CAPN9: variants seen among roughly 807,000 people sequenced by gnomAD.
CAPN9 encodes the protein calpain 9.
CAPN9 carries 81 observed loss-of-function variants against 92.8 expected under a neutral mutation model. The ratio of observed to expected loss-of-function variants is 0.87; its 90% CI spans 0.73 to 1.05. The LOEUF (loss-of-function observed/expected upper bound fraction) is 1.05, where lower values mean the gene tolerates loss of function less well. CAPN9 is among the 50% of genes least tolerant of loss of function. CAPN9 has a pLI of 0.00. For missense variants in CAPN9, 848 were observed against 866.2 expected (o/e 0.98, Z 0.26); for synonymous variants, 304 against 328.0 (o/e 0.93, Z 0.79).
intron 19 of CAPN9, among the ~76,000 whole-genome samples, chr1:230,800,231 G>GAAAAAAGACAGAAAGA: frequency 1.9e-5 from 1 of 51,476 alleles, no homozygotes. Flanking sequence ...AAGAAAGAAA[G>GAAAAAAGACAGAAAGA]AAGAAAGAAA....
chr1:230,774,745 T>C (rs1243911611), intron 8 of CAPN9, 114 bp downstream of exon 8: 24 of 656,870 alleles, frequency 3.7e-5, no homozygotes, highest in Middle Eastern at 4.0e-4. Flanking sequence ...CTTTCTTTTT[T>C]TTTTTTTTTT....
intron 2 of CAPN9, among the ~76,000 whole-genome samples, chr1:230,757,052 GGAAGGAAGGAAGGAAA>G (rs749032049): frequency 0.26 from 35,606 of 138,978 alleles, 5,380 homozygotes; most frequent in Non-Finnish European, 0.33. Context: ...AAGGAAGGAA[GGAAGGAAGGAAGGAAA>G]GGAGAAAATA....
At chr1:230,789,500 A>AAAG (rs200162449) in intron 13 of CAPN9, among the ~76,000 whole-genome samples, 13 of 138,176 alleles carry the variant, frequency 9.4e-5, no homozygotes, top group African/African-American at 3.6e-4. Context: ...AAAAAAAAAA[A>AAAG]GCCTGAGTCT....
chr1:230,785,842 C>A, intron 11 of CAPN9, 139 bp from the exon 12 acceptor site: 1 of 813,592 alleles, frequency 1.2e-6, no homozygotes, highest in Non-Finnish European at 2.1e-6. Flanking sequence ...GGTCTGCAAA[C>A]TCTGTGAAAT....
In CAPN9 at chr1:230,783,016, A is replaced by G. The variant is rs893340650; in HGVS notation, c.1481+2308A>G. Among the ~76,000 whole-genome samples the G allele has an allele frequency of 3.3e-5, 5 of 151,936 alleles. No individual in the cohort carries two copies. In the East Asian group the frequency reaches 9.7e-4, roughly 29 times the overall value. On this transcript the variant is annotated intron_variant, in intron 11 of 19. Transcript: ENST00000271971. ...TGTGCCACAGAGTGAGACTCCGTCT[A>G]AAAAAAATGGTGGTTTTTTTGGTTC...
intron 18 of CAPN9, among the ~76,000 whole-genome samples, chr1:230,797,345 G>A (rs1044369150): frequency 2.0e-5 from 3 of 152,142 alleles, no homozygotes; most frequent in Admixed American, 6.6e-5. Context: ...CTTGTTTTTA[G>A]CATCATCTTC....
chr1:230,793,554 T>C (rs1001530951), intron 17 of CAPN9, among the ~76,000 whole-genome samples: 6 of 152,172 alleles, frequency 3.9e-5, no homozygotes, highest in Non-Finnish European at 8.8e-5. Flanking sequence ...CACACAACCG[T>C]AGTTTCCACG....
chr1:230,748,424 G>A (rs74144820), intron 1 of CAPN9, among the ~76,000 whole-genome samples: 44 of 152,288 alleles, frequency 2.9e-4, no homozygotes, highest in African/African-American at 9.9e-4. Context: ...AGGTGGGTAC[G>A]GGCCTGGGAG....
In CAPN9 at chr1:230,759,631, G is replaced by C. The variant is rs1418407721; in HGVS notation, c.402+1G>C. Reference sequence around the variant, plus strand: ...TTATGCCGGGATATTCCATTTCCAGGTAAGAGGGAGCCCTGGGCCAGTGGG... The same window carrying C: ...TTATGCCGGGATATTCCATTTCCAGCTAAGAGGGAGCCCTGGGCCAGTGGG... On this transcript the variant is annotated splice_donor_variant, in intron 3 of 19. Transcript: ENST00000271971. LOFTEE classifies it high-confidence loss of function. The C allele has an allele frequency of 2.5e-6, 4 of 1,596,188 alleles. No individual in the cohort carries two copies. Among genetic ancestry groups the C allele is most frequent in the Non-Finnish European group, 3.4e-6 (4 of 1,171,098 alleles).
At position 230,778,655 on chromosome 1, in the gene CAPN9, C is replaced by T. The variant is rs28359681; in HGVS notation, c.954-318C>T. Reference sequence around the variant, plus strand: ...TCAGGTCTCCACTCAGAATGTGCCCCATCAGTAAGGGCTTCTCTTACCTCC... The same window carrying T: ...TCAGGTCTCCACTCAGAATGTGCCCTATCAGTAAGGGCTTCTCTTACCTCC... On this transcript the variant is annotated intron_variant, in intron 8 of 19. Coordinates refer to ENST00000271971, the MANE Select transcript of CAPN9 (RefSeq NM_006615.3). Among the ~76,000 whole-genome samples the T allele has an allele frequency of 3.0e-3, 460 of 152,250 alleles. 4 individuals carry two copies. The highest frequency in any genetic ancestry group is 0.024 in the Admixed American group (372 of 15,292).
intron 7 of CAPN9, among the ~76,000 whole-genome samples, chr1:230,773,443 A>G (rs1666521421): frequency 6.6e-6 from 1 of 152,160 alleles, no homozygotes; most frequent in Admixed American, 6.5e-5. Context: ...TAAAGGGAAA[A>G]TGGGCCATTG....
chr1:230,766,952 C>T (rs1666024090), intron 4 of CAPN9, among the ~76,000 whole-genome samples: 1 of 152,150 alleles, frequency 6.6e-6, no homozygotes, highest in South Asian at 2.1e-4. Context: ...ATTCAGTCAC[C>T]TCCCACCAGA....
intron 19 of CAPN9, among the ~76,000 whole-genome samples, chr1:230,799,382 A>G (rs965913105): frequency 1.3e-5 from 2 of 152,216 alleles, no homozygotes; most frequent in South Asian, 4.1e-4. Context: ...TTATAATAAT[A>G]TCATATAATT....
intron 6 of CAPN9, among the ~76,000 whole-genome samples, chr1:230,770,152 G>C (rs775325829): frequency 2.0e-5 from 3 of 152,146 alleles, no homozygotes; most frequent in Non-Finnish European, 4.4e-5. Flanking sequence ...AGAGTAAGAA[G>C]TCCCACGATC....
intron 1 of CAPN9, 40 bp from the exon 2 acceptor site, chr1:230,755,297 C>A: frequency 6.7e-7 from 1 of 1,501,682 alleles, no homozygotes; most frequent in South Asian, 1.1e-5. Flanking sequence ...TGGCTTGCAG[C>A]ATGGCAGGCC....
intron 10 of CAPN9, 77 bp from the exon 11 acceptor site, chr1:230,780,423 C>A: frequency 6.3e-7 from 1 of 1,596,162 alleles, no homozygotes; most frequent in Non-Finnish European, 8.6e-7. Flanking sequence ...CGAGACTCAA[C>A]CAAGAGTCCA....
chr1:230,772,192 C>G (rs1165754435), intron 7 of CAPN9, 93 bp downstream of exon 7: 2 of 1,040,948 alleles, frequency 1.9e-6, no homozygotes, highest in African/African-American at 1.6e-5. Context: ...GGCCTGTCTA[C>G]TATCCTCCCG....
chr1:230,778,006 C>T (rs1157726940), intron 8 of CAPN9, among the ~76,000 whole-genome samples: 1 of 152,164 alleles, frequency 6.6e-6, no homozygotes, highest in African/African-American at 2.4e-5. Flanking sequence ...GCTCCTTTCC[C>T]CAGGATTCCA....
intron 14 of CAPN9, among the ~76,000 whole-genome samples, chr1:230,791,344 T>A (rs1394162486): frequency 6.6e-6 from 1 of 152,196 alleles, no homozygotes; most frequent in Non-Finnish European, 1.5e-5. Context: ...TAACTCTATG[T>A]TTAATGTTTT....
Sources: gnomAD v4.1 joint callset for allele counts (sites outside exome capture counted in the v4.1 genomes callset) on GRCh38, gnomAD v4.1.1 for gene constraint, MANE v1.5 for transcripts, NCBI Gene and HGNC (gene_info 2026-07-23, HGNC 2026-07-21) for gene names.